The following CNTNAP2 variants were observed in gnomAD, a reference collection of about 807,000 sequenced individuals.
CNTNAP2 encodes the protein contactin-associated protein-like 2.
In CNTNAP2, 98 loss-of-function variants were observed where a neutral mutation model predicts 155.2. That is an observed-to-expected ratio of 0.63 (90% CI 0.54 to 0.75). CNTNAP2 has a LOEUF of 0.75. Ranked by LOEUF, CNTNAP2 falls within the 30% of genes least tolerant of loss-of-function variation. The pLI is 0.00. For synonymous variants in CNTNAP2, 651 were observed against 631.2 expected (o/e 1.03, Z -0.47); for missense variants, 1,727 against 1,688.1 (o/e 1.02, Z -0.40).
rs183351064 is a variant in CNTNAP2, at chr7:146,469,357, C to A, written c.98-304914C>A. Among the ~76,000 whole-genome samples, 683 of 151,718 alleles carry A rather than the reference C, an allele frequency of 4.5e-3. 4 individuals are homozygous for A. The highest frequency in any genetic ancestry group is 0.015 in the African/African-American group (633 of 41,274). On this transcript the variant is annotated intron_variant, in intron 1 of 23. Transcript: ENST00000361727. The stretch of plus-strand genomic sequence containing the variant: ...CAGAGACTGCTCCCCAAAGAAGATA[C>A]CCTGAGAAAATGTTGGAAGCATTAA...
chr7:146,936,840 A>G (rs755869490), intron 3 of CNTNAP2, among the ~76,000 whole-genome samples: 82 of 152,138 alleles, frequency 5.4e-4, no homozygotes, highest in Non-Finnish European at 1.8e-4. Flanking sequence ...TTTTATGTCT[A>G]TAGATCTTCT....
At chr7:148,316,862 T>G (rs1797698784) in intron 21 of CNTNAP2, among the ~76,000 whole-genome samples, 1 of 152,232 alleles carries the variant, frequency 6.6e-6, no homozygotes, top group African/African-American at 2.4e-5. Flanking sequence ...GACAATTCAC[T>G]TTAAGACAGC....
chr7:148,082,072 A>G (rs377152698), intron 15 of CNTNAP2, among the ~76,000 whole-genome samples: 8 of 152,160 alleles, frequency 5.3e-5, no homozygotes, highest in East Asian at 3.9e-4. Flanking sequence ...TTGGCCTCCC[A>G]AAGCACTGGG....
chr7:146,759,074 G>A (rs1445049286), intron 1 of CNTNAP2, among the ~76,000 whole-genome samples: 1 of 151,604 alleles, frequency 6.6e-6, no homozygotes, highest in African/African-American at 2.4e-5. Context: ...TTTTCTTTTG[G>A]ATTGGTATAG....
At chr7:147,286,372 TAGAAC>T (rs1280615832) in intron 8 of CNTNAP2, among the ~76,000 whole-genome samples, 5 of 152,186 alleles carry the variant, frequency 3.3e-5, no homozygotes, top group Non-Finnish European at 7.4e-5. Flanking sequence ...AATCTCTGCT[TAGAAC>T]AGAACAAAAC....
At chr7:147,369,217 CCTT>C (rs1011078319) in intron 9 of CNTNAP2, among the ~76,000 whole-genome samples, 3 of 152,144 alleles carry the variant, frequency 2.0e-5, no homozygotes, top group African/African-American at 7.2e-5. Context: ...TTAGTTTATT[CCTT>C]CTTCTTTTGT....
Position 148,188,055 on chromosome 7 carries a change from A to AT in CNTNAP2, c.3010+15584dup, listed in dbSNP as rs148232080. ...CTACCATTGCAGCAGGGAATCACTGATTTTTTTAAATTAAACTTTTAGAGA... is the reference window on the plus strand; with the variant it reads ...CTACCATTGCAGCAGGGAATCACTGATTTTTTTTAAATTAAACTTTTAGAGA... On this transcript the variant is annotated intron_variant, in intron 18 of 23. Coordinates refer to ENST00000361727, the MANE Select transcript of CNTNAP2 (RefSeq NM_014141.6). Among the ~76,000 whole-genome samples, 789 of 152,174 alleles carry AT rather than the reference A, an allele frequency of 5.2e-3. 5 individuals are homozygous for AT. The highest frequency in any genetic ancestry group is 0.018 in the African/African-American group (766 of 41,514).
chr7:146,668,589 A>G (rs1158116155), intron 1 of CNTNAP2, among the ~76,000 whole-genome samples: 1 of 152,114 alleles, frequency 6.6e-6, no homozygotes, highest in Admixed American at 6.6e-5. Flanking sequence ...ATTCTCCTTC[A>G]TAGATTGAAT....
intron 13 of CNTNAP2, among the ~76,000 whole-genome samples, chr7:147,767,163 T>G (rs1307798733): frequency 6.6e-6 from 1 of 152,108 alleles, no homozygotes; most frequent in East Asian, 1.9e-4. Context: ...AAGGGATACC[T>G]TTAAATTGTT....
chr7:148,384,919 A>G (rs948678253), intron 22 of CNTNAP2, among the ~76,000 whole-genome samples: 10 of 152,236 alleles, frequency 6.6e-5, no homozygotes, highest in African/African-American at 2.4e-4. Context: ...GTTAAAGTTT[A>G]GCTACAATAA....
At chr7:147,707,776 T>C (rs992069249) in intron 13 of CNTNAP2, among the ~76,000 whole-genome samples, 7 of 152,184 alleles carry the variant, frequency 4.6e-5, no homozygotes, top group African/African-American at 1.4e-4. Context: ...TTTGTTGGCA[T>C]TGGCTACAAT....
At chr7:148,345,236 C>T (rs111318401) in intron 21 of CNTNAP2, among the ~76,000 whole-genome samples, 1,876 of 152,218 alleles carry the variant, frequency 0.012, 19 homozygotes, top group Middle Eastern at 0.027. Context: ...ACCTCTGGGT[C>T]CTGGGGGGCA....
intron 1 of CNTNAP2, among the ~76,000 whole-genome samples, chr7:146,450,471 A>G (rs941876303): frequency 6.6e-6 from 1 of 152,204 alleles, no homozygotes; most frequent in Non-Finnish European, 1.5e-5. Context: ...AGAAAACTTG[A>G]TTAACTTATA....
chr7:147,333,991 C>A (rs1265311185), intron 9 of CNTNAP2, among the ~76,000 whole-genome samples: 1 of 152,110 alleles, frequency 6.6e-6, no homozygotes, highest in African/African-American at 2.4e-5. Context: ...CAATTGTTTT[C>A]TGTATGCCAA....
chr7:147,234,175 C>G (rs1053252571), intron 8 of CNTNAP2, among the ~76,000 whole-genome samples: 1 of 151,936 alleles, frequency 6.6e-6, no homozygotes. Flanking sequence ...AGTTTCCATC[C>G]ATCATCTCCA....
intron 13 of CNTNAP2, among the ~76,000 whole-genome samples, chr7:147,875,172 G>A (rs897076390): frequency 3.9e-5 from 6 of 152,018 alleles, no homozygotes; most frequent in East Asian, 1.9e-4. Flanking sequence ...ACCATTTCCC[G>A]GTACCAATTT....
chr7:148,406,488 C>G (rs968018695), intron 22 of CNTNAP2, among the ~76,000 whole-genome samples: 1 of 152,206 alleles, frequency 6.6e-6, no homozygotes, highest in Non-Finnish European at 1.5e-5. Flanking sequence ...CCAAGCCAAA[C>G]TGTCTGCAAG....
intron 13 of CNTNAP2, among the ~76,000 whole-genome samples, chr7:147,781,053 A>G (rs1797654293): frequency 6.6e-6 from 1 of 152,192 alleles, no homozygotes. Flanking sequence ...CAAATGCAGC[A>G]AGGACCCTGG....
intron 1 of CNTNAP2, among the ~76,000 whole-genome samples, chr7:146,224,260 G>A (rs1799254969): frequency 2.0e-5 from 3 of 152,088 alleles, no homozygotes; most frequent in Admixed American, 2.0e-4. Context: ...TGCTGGTCAG[G>A]AAATAAACAG....
Sources: allele counts gnomAD v4.1 joint callset (sites outside exome capture counted in the v4.1 genomes callset), GRCh38; gene constraint gnomAD v4.1.1; transcripts MANE v1.5; gene names NCBI Gene and HGNC (gene_info 2026-07-23, HGNC 2026-07-21).